The following AIG1 variants were observed in gnomAD, a reference collection of about 807,000 sequenced individuals.
AIG1 encodes the protein androgen induced 1, also known as androgen-induced gene 1 protein.
Under a neutral mutation model 31.4 loss-of-function variants are expected in AIG1, and 23 were observed. That is an observed-to-expected ratio of 0.73 (90% CI 0.53 to 1.04). AIG1 has a LOEUF of 1.04. Among genes scored for constraint, AIG1 ranks in the 50% least tolerant of loss-of-function variants. The pLI, the probability that AIG1 is intolerant of heterozygous loss-of-function variation, is 0.00. For synonymous variants in AIG1, 100 were observed against 110.5 expected (o/e 0.90, Z 0.60); for missense variants, 274 against 295.0 (o/e 0.93, Z 0.52).
intron 4 of AIG1, among the ~76,000 whole-genome samples, chr6:143,321,599 T>A (rs1017752183): frequency 9.2e-5 from 14 of 151,602 alleles, no homozygotes; most frequent in African/African-American, 3.4e-4. Flanking sequence ...AAAAAAAAAA[T>A]TAAAATGAAA....
intron 2 of AIG1, among the ~76,000 whole-genome samples, chr6:143,150,049 G>A (rs764355649): frequency 1.3e-5 from 2 of 152,196 alleles, no homozygotes; most frequent in Non-Finnish European, 2.9e-5. Flanking sequence ...CACCTACACC[G>A]TGAAATATTT....
At chr6:143,226,259 TG>T (rs1213154836) in intron 3 of AIG1, among the ~76,000 whole-genome samples, 2 of 151,542 alleles carry the variant, frequency 1.3e-5, no homozygotes, top group East Asian at 1.9e-4. Context: ...TTTTTTTTTT[TG>T]AGATGGAGTC....
intron 3 of AIG1, chr6:143,187,283 G>A (rs1475043561): frequency 1.0e-6 from 1 of 954,130 alleles, no homozygotes; most frequent in African/African-American, 1.6e-5. Flanking sequence ...GGCTTAAACT[G>A]AGAATTTGAC....
chr6:143,266,863 A>C (rs936819960), intron 3 of AIG1, among the ~76,000 whole-genome samples: 1 of 152,142 alleles, frequency 6.6e-6, no homozygotes, highest in Non-Finnish European at 1.5e-5. Flanking sequence ...ATTGCTTGAG[A>C]CCAGGATTTC....
At chr6:143,208,831 C>T (rs1339288555) in intron 3 of AIG1, among the ~76,000 whole-genome samples, 1 of 151,978 alleles carries the variant, frequency 6.6e-6, no homozygotes, top group East Asian at 1.9e-4. Context: ...TAAAAAAAAT[C>T]TCCATTTATA....
chr6:143,186,993 T>C (rs1004526679), intron 3 of AIG1, among the ~76,000 whole-genome samples: 1 of 152,218 alleles, frequency 6.6e-6, no homozygotes, highest in African/African-American at 2.4e-5. Flanking sequence ...AAAGTTAATT[T>C]AAACAAAATT....
At chr6:143,144,425 G>T (rs923843948) in intron 2 of AIG1, among the ~76,000 whole-genome samples, 1 of 152,138 alleles carries the variant, frequency 6.6e-6, no homozygotes, top group African/African-American at 2.4e-5. Flanking sequence ...TTAAAATAGG[G>T]TGTCATGAGT....
In AIG1 at chr6:143,340,468, T is replaced by TC. The variant is rs1296866508; in HGVS notation, c.*792_*793insC. 6.6e-6 allele frequency among the ~76,000 whole-genome samples: 1 copy of TC among 151,926 alleles called. No homozygotes were observed. The highest frequency in any genetic ancestry group is 2.4e-5 in the African/African-American group (1 of 41,316). On this transcript the variant is annotated 3_prime_UTR_variant, in exon 6 of 6. Transcript: ENST00000357847. Reference sequence around the variant, plus strand: ...GATAACTCCAAAACAAATTTTTTTTTTCTTTTTTTCCAGATGGAGTCTCAC... The same window carrying TC: ...GATAACTCCAAAACAAATTTTTTTTTCTCTTTTTTTCCAGATGGAGTCTCAC...
In AIG1 at chr6:143,330,931, C is replaced by A. The variant is rs1470775905; in HGVS notation, c.516-2351C>A. Among the ~76,000 whole-genome samples, 4 of 152,204 alleles carry A rather than the reference C, an allele frequency of 2.6e-5. No homozygotes were observed. The highest frequency in any genetic ancestry group is 5.9e-5 in the Non-Finnish European group (4 of 68,026). On this transcript the variant is annotated intron_variant, in intron 4 of 5. Transcript: ENST00000357847. The surrounding 1 kb of genome is among the most constrained non-coding windows in gnomAD (Gnocchi z 4.4). The stretch of plus-strand genomic sequence containing the variant: ...TCAGAATCCCACAGGGTAGTTCTAA[C>A]CATTTAATTTCTGCGGATTCTCACA...
At position 143,279,317 on chromosome 6, in the gene AIG1, A is replaced by G. The variant is rs982385617; in HGVS notation, c.400-4793A>G. 6.6e-6 allele frequency among the ~76,000 whole-genome samples: 1 copy of G among 152,120 alleles called. No homozygotes were observed. Among genetic ancestry groups the G allele is most frequent in the South Asian group, 2.1e-4 (1 of 4,818 alleles). On this transcript the variant is annotated intron_variant, in intron 3 of 5. Transcript: ENST00000357847. This position sits in a 1 kb window ranked among gnomAD's most constrained non-coding sequence, Gnocchi z 5.4. ...TCAGGAGAAGCACTAATTTAATCCAACTGCCTCATTTTACAAAGAATAATA... is the reference window on the plus strand; with the variant it reads ...TCAGGAGAAGCACTAATTTAATCCAGCTGCCTCATTTTACAAAGAATAATA...
At chr6:143,145,946 A>T (rs949724006) in intron 2 of AIG1, among the ~76,000 whole-genome samples, 5 of 152,240 alleles carry the variant, frequency 3.3e-5, no homozygotes, top group African/African-American at 4.8e-5. Context: ...TCTTACCAGT[A>T]GTATCATAAA....
At chr6:143,316,494 G>A (rs1775751716) in intron 4 of AIG1, among the ~76,000 whole-genome samples, 1 of 152,060 alleles carries the variant, frequency 6.6e-6, no homozygotes. Flanking sequence ...AGGGGATACA[G>A]CAAAAGCAGT....
At chr6:143,218,052 G>A (rs1792171541) in intron 3 of AIG1, among the ~76,000 whole-genome samples, 1 of 152,208 alleles carries the variant, frequency 6.6e-6, no homozygotes, top group Non-Finnish European at 1.5e-5. Context: ...TTTCTCATTT[G>A]CGTGTTGCTA....
In AIG1 at chr6:143,245,814, G is replaced by T. The variant is rs4895604; in HGVS notation, c.400-38296G>T. On this transcript the variant is annotated intron_variant, in intron 3 of 5. Transcript: ENST00000357847. ...AACGCATAGTTGGTGAATTCCTTCAGCAGAGGTATTTTATGAGGCGGTATA... is the reference window on the plus strand; with the variant it reads ...AACGCATAGTTGGTGAATTCCTTCATCAGAGGTATTTTATGAGGCGGTATA... Among the ~76,000 whole-genome samples the T allele has an allele frequency of 9.5e-3, 1,442 of 152,240 alleles. 45 individuals are homozygous for T. Among genetic ancestry groups the T allele is most frequent in the East Asian group, 0.065 (339 of 5,184 alleles).
chr6:143,332,566 T>G (rs1480244667), intron 4 of AIG1, among the ~76,000 whole-genome samples: 1 of 152,188 alleles, frequency 6.6e-6, no homozygotes, highest in African/African-American at 2.4e-5. Context: ...TGGTACCTGC[T>G]AGGGTATGCA....
chr6:143,071,070 C>CTT (rs1322768436), intron 1 of AIG1, among the ~76,000 whole-genome samples: 6 of 152,192 alleles, frequency 3.9e-5, no homozygotes, highest in Non-Finnish European at 8.8e-5. Context: ...TCATGTAGCC[C>CTT]TTTTATGGCC....
intron 1 of AIG1, among the ~76,000 whole-genome samples, chr6:143,098,154 G>A (rs537612398): frequency 6.6e-6 from 1 of 152,286 alleles, no homozygotes; most frequent in African/African-American, 2.4e-5. Context: ...CTCCTTGGAA[G>A]AAGTCTACAC....
rs1381205142 is a variant in AIG1, at chr6:143,331,878, T to TATA, written c.516-1402_516-1401insAAT. ...TTATTATTATTATTATTATTATTAT[T>TATA]ATTATTATTTTGAGACCAAGTCTCA... On this transcript the variant is annotated intron_variant, in intron 4 of 5. Transcript: ENST00000357847. This position sits in a 1 kb window ranked among gnomAD's most constrained non-coding sequence, Gnocchi z 4.1. Among the ~76,000 whole-genome samples the TATA allele has an allele frequency of 6.1e-5, 9 of 147,784 alleles. No homozygotes were observed. The highest frequency in any genetic ancestry group is 1.7e-4 in the African/African-American group (7 of 40,268).
At chr6:143,094,777 A>G (rs1779605496) in intron 1 of AIG1, among the ~76,000 whole-genome samples, 2 of 152,138 alleles carry the variant, frequency 1.3e-5, no homozygotes, top group South Asian at 4.1e-4. Flanking sequence ...TTATGCAACC[A>G]TTGAAAATTA....
Sources: gnomAD v4.1 joint callset for allele counts (sites outside exome capture counted in the v4.1 genomes callset) on GRCh38, gnomAD v4.1.1 for gene constraint, Gnocchi (gnomAD v3.1) non-coding constraint, MANE v1.5 for transcripts, NCBI Gene and HGNC (gene_info 2026-07-23, HGNC 2026-07-21) for gene names.